The following TMEM131 variants were observed in gnomAD, a reference collection of about 807,000 sequenced individuals.
TMEM131 encodes transmembrane protein 131.
Under a neutral mutation model 211.6 loss-of-function variants are expected in TMEM131, and 66 were observed. The observed-to-expected ratio is 0.31, with a 90% CI of 0.26 to 0.38. The LOEUF (loss-of-function observed/expected upper bound fraction) is 0.38. Among genes scored for constraint, TMEM131 ranks in the 10% least tolerant of loss-of-function variants. The pLI is 1.00. For missense variants in TMEM131, 2,036 were observed against 2,299.3 expected (o/e 0.89, Z 2.34); for synonymous variants, 844 against 841.3 (o/e 1.00, Z -0.06).
chr2:97,875,651 G>C (rs1362496799), intron 4 of TMEM131, among the ~76,000 whole-genome samples: 2 of 152,104 alleles, frequency 1.3e-5, no homozygotes, highest in Non-Finnish European at 2.9e-5. Flanking sequence ...GCAGAAAAAA[G>C]ATGTTCTTTG....
intron 31 of TMEM131, among the ~76,000 whole-genome samples, chr2:97,790,694 G>A (rs1298357101): frequency 6.6e-6 from 1 of 152,086 alleles, no homozygotes; most frequent in Non-Finnish European, 1.5e-5. Flanking sequence ...CCCTAAATGT[G>A]GGGAAAACGC....
At chr2:97,802,892 G>T in intron 22 of TMEM131, 102 bp from the exon 23 acceptor site, 1 of 1,006,432 alleles carries the variant, frequency 9.9e-7, no homozygotes, top group East Asian at 2.8e-5. Context: ...ATTTTTTGCT[G>T]GCCCTGAAAA....
chr2:97,923,559 C>G (rs897445576), intron 2 of TMEM131, among the ~76,000 whole-genome samples: 7 of 133,798 alleles, frequency 5.2e-5, no homozygotes, highest in Non-Finnish European at 1.1e-4. Context: ...GAGGTTGAGA[C>G]AACAGTGAGC....
At chr2:97,803,538 G>A (rs900192794) in intron 22 of TMEM131, among the ~76,000 whole-genome samples, 4 of 152,182 alleles carry the variant, frequency 2.6e-5, no homozygotes, top group African/African-American at 9.7e-5. Context: ...GGGACTAAAC[G>A]CTGAAGCATA....
chr2:97,991,550 T>C (rs184510419), intron 1 of TMEM131, among the ~76,000 whole-genome samples: 8 of 152,176 alleles, frequency 5.3e-5, no homozygotes, highest in Admixed American at 4.6e-4. Flanking sequence ...ACACATGCAG[T>C]GTGCACCAGC....
chr2:97,977,504 C>T (rs1170916279), intron 1 of TMEM131, among the ~76,000 whole-genome samples: 4 of 152,102 alleles, frequency 2.6e-5, no homozygotes, highest in African/African-American at 9.7e-5. Flanking sequence ...TCCAGACCAC[C>T]ACAATAAAAC....
intron 2 of TMEM131, chr2:97,913,060 G>A (rs574570026): frequency 1.3e-5 from 2 of 152,018 alleles, no homozygotes; most frequent in African/African-American, 2.4e-5. Flanking sequence ...CTCTGTGTGC[G>A]GGTTTTTATT....
chr2:97,811,967 A>T (rs1406115984), intron 17 of TMEM131, among the ~76,000 whole-genome samples: 1 of 152,198 alleles, frequency 6.6e-6, no homozygotes, highest in African/African-American at 2.4e-5. Flanking sequence ...ACAGGTAAAA[A>T]TATGTGGGCA....
At chr2:97,887,499 C>G (rs960420862) in intron 4 of TMEM131, among the ~76,000 whole-genome samples, 9 of 152,116 alleles carry the variant, frequency 5.9e-5, no homozygotes, top group African/African-American at 2.2e-4. Flanking sequence ...TTTGCTGGCC[C>G]TTGGGTATAT....
rs559479378 is a variant in TMEM131, at chr2:97,953,583, T to C, written c.188-26096A>G. On this transcript the variant is annotated intron_variant, in intron 1 of 40. Coordinates refer to ENST00000186436, the MANE Select transcript of TMEM131 (RefSeq NM_015348.2). ...AAATTACAGGTGGAGATTTCAACAC[T>C]TCACTGTCAGCAACTGGTAGAACTA... Among the ~76,000 whole-genome samples, 14 of 152,236 alleles carry C rather than the reference T, an allele frequency of 9.2e-5. No homozygotes were observed. The East Asian group carries it at 2.7e-3, about 29-fold the overall frequency.
chr2:97,988,784 G>A (rs1005481920), intron 1 of TMEM131, among the ~76,000 whole-genome samples: 1 of 152,178 alleles, frequency 6.6e-6, no homozygotes, highest in East Asian at 1.9e-4. Context: ...AGGGCATGGA[G>A]AAATTGGAAT....
chr2:97,934,704 G>T (rs1677369631), intron 1 of TMEM131, among the ~76,000 whole-genome samples: 1 of 152,148 alleles, frequency 6.6e-6, no homozygotes, highest in Non-Finnish European at 1.5e-5. Context: ...CCTAGAAACA[G>T]AACCATATAT....
intron 1 of TMEM131, among the ~76,000 whole-genome samples, chr2:97,933,659 A>G (rs1677323312): frequency 6.6e-6 from 1 of 152,184 alleles, no homozygotes; most frequent in Non-Finnish European, 1.5e-5. Flanking sequence ...AGACAAAAAA[A>G]AAATTACAAA....
chr2:97,874,912 G>A lies in TMEM131; in HGVS notation c.359+13140C>T, dbSNP rs1674630682. On this transcript the variant is annotated intron_variant, in intron 4 of 40. Coordinates refer to ENST00000186436, the MANE Select transcript of TMEM131 (RefSeq NM_015348.2). ...AAATGGGCTAAATGCCCCAATTAAA[G>A]ACACAGACTGGCAAACTGAAAAAAG... Among the ~76,000 whole-genome samples, 3 of 152,182 alleles carry A rather than the reference G, an allele frequency of 2.0e-5. No individual in the cohort carries two copies. In the South Asian group the frequency reaches 6.2e-4, roughly 32 times the overall value.
At chr2:97,935,059 GTT>G (rs1677384789) in intron 1 of TMEM131, among the ~76,000 whole-genome samples, 1 of 152,034 alleles carries the variant, frequency 6.6e-6, no homozygotes, top group African/African-American at 2.4e-5. Context: ...ACATGACCCT[GTT>G]AAGAGTAGGA....
At chr2:97,826,476 C>G (rs1289648690) in intron 11 of TMEM131, among the ~76,000 whole-genome samples, 1 of 151,940 alleles carries the variant, frequency 6.6e-6, no homozygotes, top group Non-Finnish European at 1.5e-5. Context: ...ACCGCCGAAG[C>G]CATCAAAAGG....
In TMEM131 at chr2:97,760,930, A is replaced by G. The variant is rs1468102912; in HGVS notation, c.4890-16T>C. On this transcript the variant is annotated splice_polypyrimidine_tract_variant and intron_variant, in intron 36 of 40. Transcript: ENST00000186436. ...TTTAGGGTCACTTGAAAAAGAAGCAAAGAGAGAACTCATTCCTCATCAGCA... is the reference window on the plus strand; with the variant it reads ...TTTAGGGTCACTTGAAAAAGAAGCAGAGAGAGAACTCATTCCTCATCAGCA... 6.2e-7 allele frequency: 1 copy of G among 1,613,722 alleles called. No homozygotes were observed. The highest frequency in any genetic ancestry group is 2.2e-5 in the East Asian group (1 of 44,870).
intron 28 of TMEM131, 39 bp from the exon 29 acceptor site, chr2:97,795,154 A>G (rs1287930027): frequency 1.3e-6 from 2 of 1,498,152 alleles, no homozygotes; most frequent in Non-Finnish European, 1.8e-6. Context: ...AGTTTTAAAA[A>G]TATCTCACAA....
intron 11 of TMEM131, among the ~76,000 whole-genome samples, chr2:97,819,660 A>C (rs1315978553): frequency 1.3e-5 from 2 of 152,162 alleles, no homozygotes; most frequent in African/African-American, 2.4e-5. Context: ...GATTACTTTG[A>C]ATCTGAACCT....
Sources: gnomAD v4.1 joint callset for allele counts (sites outside exome capture counted in the v4.1 genomes callset) on GRCh38, gnomAD v4.1.1 for gene constraint, MANE v1.5 for transcripts, NCBI Gene and HGNC (gene_info 2026-07-23, HGNC 2026-07-21) for gene names.